The following SLC30A8 variants were observed in gnomAD, a reference collection of about 807,000 sequenced individuals.
The protein encoded by SLC30A8 is solute carrier family 30 member 8.
In SLC30A8, 27 loss-of-function variants were observed where a neutral mutation model predicts 36.9. That is an observed-to-expected ratio of 0.73 (90% CI 0.54 to 1.01). The LOEUF is 1.01. SLC30A8 is among the 50% of genes least tolerant of loss of function. The pLI, the probability that SLC30A8 is intolerant of heterozygous loss-of-function variation, is 0.00. For missense variants in SLC30A8, 439 were observed against 452.0 expected (o/e 0.97, Z 0.26); for synonymous variants, 164 against 172.4 (o/e 0.95, Z 0.38).
chr8:117,142,256 ACTT>A (rs1284148714), intron 1 of SLC30A8, among the ~76,000 whole-genome samples: 1 of 151,994 alleles, frequency 6.6e-6, no homozygotes, highest in Non-Finnish European at 1.5e-5. Context: ...AAATATGACT[ACTT>A]CTTTCTATTT....
intron 6 of SLC30A8, 34 bp downstream of exon 6, chr8:117,163,564 G>A: frequency 6.7e-7 from 1 of 1,488,260 alleles, no homozygotes; most frequent in Non-Finnish European, 9.3e-7. Flanking sequence ...CCCAGAGTCA[G>A]TGTTTTCTCT....
At chr8:117,067,488 C>A (rs1216258956) in intron 2 of SLC30A8, among the ~76,000 whole-genome samples, 1 of 151,916 alleles carries the variant, frequency 6.6e-6, no homozygotes, top group Non-Finnish European at 1.5e-5. Flanking sequence ...TCTATGGGCC[C>A]TTCTAATTCA....
intron 3 of SLC30A8, among the ~76,000 whole-genome samples, chr8:117,155,238 T>G (rs1306527640): frequency 2.6e-5 from 4 of 152,248 alleles, no homozygotes; most frequent in Non-Finnish European, 1.5e-5. Context: ...ATCTGACTCC[T>G]GACTCTTGCT....
At chr8:117,138,093 A>C (rs890259622) in intron 1 of SLC30A8, among the ~76,000 whole-genome samples, 4 of 151,280 alleles carry the variant, frequency 2.6e-5, no homozygotes, top group Admixed American at 2.6e-4. Context: ...AAAAGAAAAA[A>C]AAAAGTCGTG....
intron 1 of SLC30A8, chr8:116,951,198 C>G (rs895402122): frequency 1.3e-5 from 2 of 152,280 alleles, no homozygotes; most frequent in Admixed American, 1.3e-4. Context: ...TCATAATCAT[C>G]TTTAAGATTC....
intron 1 of SLC30A8, among the ~76,000 whole-genome samples, chr8:117,038,687 A>G (rs1301773720): frequency 6.6e-6 from 1 of 152,260 alleles, no homozygotes; most frequent in Non-Finnish European, 1.5e-5. Flanking sequence ...TGCAATGGGT[A>G]GAGTAAAATC....
chr8:117,089,306 G>C (rs951801852), intron 2 of SLC30A8, among the ~76,000 whole-genome samples: 18 of 152,128 alleles, frequency 1.2e-4, no homozygotes, highest in African/African-American at 3.9e-4. Flanking sequence ...CTACCCAATA[G>C]TTCAGCATGG....
intron 2 of SLC30A8, among the ~76,000 whole-genome samples, chr8:117,066,378 G>A (rs1818171081): frequency 6.6e-6 from 1 of 152,200 alleles, no homozygotes. Flanking sequence ...AGAGAAAGAA[G>A]TGGTGGAAAC....
intron 4 of SLC30A8, among the ~76,000 whole-genome samples, chr8:117,159,889 TATC>T (rs1024021341): frequency 2.6e-5 from 4 of 152,246 alleles, no homozygotes; most frequent in Non-Finnish European, 5.9e-5. Context: ...TCTAAACAGA[TATC>T]ATCCAAATTT....
At chr8:117,002,642 G>A (rs903660135) in intron 1 of SLC30A8, among the ~76,000 whole-genome samples, 1 of 152,034 alleles carries the variant, frequency 6.6e-6, no homozygotes, top group African/African-American at 2.4e-5. Context: ...GTCTTGCTCT[G>A]TCACCAGGCT....
At chr8:117,021,638 G>T (rs1046895842) in intron 1 of SLC30A8, among the ~76,000 whole-genome samples, 14 of 152,164 alleles carry the variant, frequency 9.2e-5, no homozygotes, top group Non-Finnish European at 1.8e-4. Context: ...ATTTTTTTGT[G>T]TGAAAATTTA....
At chr8:117,153,723 G>GGTGTGTGTGTGTGTGTGT (rs59464276) in intron 3 of SLC30A8, among the ~76,000 whole-genome samples, 1 of 146,910 alleles carries the variant, frequency 6.8e-6, no homozygotes, top group Non-Finnish European at 1.5e-5. Flanking sequence ...CATGATAAGG[G>GGTGTGTGTGTGTGTGTGT]GTGTGTGTGT....
intron 1 of SLC30A8, among the ~76,000 whole-genome samples, chr8:117,036,069 C>A (rs1240985782): frequency 6.6e-6 from 1 of 152,072 alleles, no homozygotes; most frequent in Non-Finnish European, 1.5e-5. Context: ...TAACATTTGG[C>A]TCCTCTTTAC....
intron 2 of SLC30A8, among the ~76,000 whole-genome samples, chr8:117,107,169 G>A (rs1274884652): frequency 6.6e-6 from 1 of 152,094 alleles, no homozygotes; most frequent in African/African-American, 2.4e-5. Flanking sequence ...TTGACAGTGT[G>A]CCTTTGTCAG....
intron 1 of SLC30A8, among the ~76,000 whole-genome samples, chr8:116,997,972 A>G (rs899701158): frequency 5.3e-5 from 8 of 152,318 alleles, no homozygotes; most frequent in South Asian, 4.1e-4. Flanking sequence ...ATAAAGCAGA[A>G]TGGGCTCTTC....
chr8:117,002,605 T>C (rs545851024), intron 1 of SLC30A8, among the ~76,000 whole-genome samples: 1 of 152,200 alleles, frequency 6.6e-6, no homozygotes, highest in South Asian at 2.1e-4. Context: ...GTTTGTTTTG[T>C]TTTTGTTTTT....
exon 1 of SLC30A8, chr8:116,950,966 A>G (rs796835699): frequency 2.6e-5 from 4 of 152,366 alleles, no homozygotes; most frequent in African/African-American, 9.6e-5. Flanking sequence ...AGAAGCATCA[A>G]GAAAGCCTGC....
At chr8:116,990,134 A>T (rs1159091075) in intron 1 of SLC30A8, among the ~76,000 whole-genome samples, 1 of 152,224 alleles carries the variant, frequency 6.6e-6, no homozygotes. Flanking sequence ...TGCTGAAATA[A>T]CATGCTATAT....
In SLC30A8 at chr8:117,032,718, C is replaced by T. The variant is rs139283860; in HGVS notation, c.-265-6501C>T. ...CAGCCTGGCCAACATGGCTAAACCC[C>T]GTCTCTAGTAAAAGTACAAAAATTA... On this transcript the variant is annotated intron_variant, in intron 1 of 10. Transcript: ENST00000427715. Among the ~76,000 whole-genome samples the T allele has an allele frequency of 5.5e-3, 832 of 152,146 alleles. 8 individuals carry two copies. Among genetic ancestry groups the T allele is most frequent in the African/African-American group, 0.019 (794 of 41,506 alleles).
Sources: allele counts gnomAD v4.1 joint callset (sites outside exome capture counted in the v4.1 genomes callset), GRCh38; gene constraint gnomAD v4.1.1; transcripts MANE v1.5; gene names NCBI Gene and HGNC (gene_info 2026-07-23, HGNC 2026-07-21).